Variants in NOS1AP observed in about 807,000 individuals in gnomAD.
NOS1AP encodes the protein nitric oxide synthase 1 adaptor protein.
A neutral mutation model predicts 56.2 loss-of-function variants in NOS1AP; 21 were observed. That is an observed-to-expected ratio of 0.37 (90% confidence interval 0.26 to 0.54). NOS1AP has a LOEUF of 0.54. Ranked by LOEUF, NOS1AP falls within the 20% of genes least tolerant of loss-of-function variation. The pLI is 0.84. For missense variants in NOS1AP, 522 were observed against 657.8 expected (o/e 0.79, Z 2.26); for synonymous variants, 270 against 274.6 (o/e 0.98, Z 0.17).
At chr1:162,354,703 C>T (rs376093929) in intron 6 of NOS1AP, among the ~76,000 whole-genome samples, 4 of 152,302 alleles carry the variant, frequency 2.6e-5, no homozygotes, top group South Asian at 4.1e-4. Flanking sequence ...GTCATGGAAC[C>T]CTACCTGTCC....
intron 1 of NOS1AP, among the ~76,000 whole-genome samples, chr1:162,090,759 T>C (rs1042236610): frequency 6.6e-6 from 1 of 152,202 alleles, no homozygotes; most frequent in Admixed American, 6.5e-5. Context: ...TTCTTGAGTT[T>C]TGTCACTTTA....
intron 5 of NOS1AP, among the ~76,000 whole-genome samples, chr1:162,340,864 A>G (rs1389249526): frequency 6.6e-6 from 1 of 152,188 alleles, no homozygotes; most frequent in Non-Finnish European, 1.5e-5. Flanking sequence ...AAACCAGCCT[A>G]CTTCCTTACA....
At chr1:162,102,866 T>A (rs1236484012) in intron 1 of NOS1AP, among the ~76,000 whole-genome samples, 1 of 152,112 alleles carries the variant, frequency 6.6e-6, no homozygotes, top group Non-Finnish European at 1.5e-5. Context: ...ATTTTATTAA[T>A]TTTTTCAAAA....
intron 1 of NOS1AP, among the ~76,000 whole-genome samples, chr1:162,072,379 T>G (rs78739121): frequency 0.019 from 2,848 of 152,276 alleles, 104 homozygotes; most frequent in African/African-American, 0.066. Context: ...GATCTTACTC[T>G]CCCTTTCCCA....
At chr1:162,229,129 T>A (rs1322559068) in intron 2 of NOS1AP, among the ~76,000 whole-genome samples, 6 of 152,270 alleles carry the variant, frequency 3.9e-5, no homozygotes, top group African/African-American at 1.4e-4. Flanking sequence ...TCCTAACAGG[T>A]GAAATAGAGC....
intron 1 of NOS1AP, among the ~76,000 whole-genome samples, chr1:162,143,036 A>G (rs1054506319): frequency 2.0e-5 from 3 of 151,016 alleles, no homozygotes; most frequent in African/African-American, 4.9e-5. Flanking sequence ...CAACTCCAGG[A>G]AGGCTTTTCC....
chr1:162,183,851 A>C (rs934589260), intron 2 of NOS1AP, among the ~76,000 whole-genome samples: 1 of 152,232 alleles, frequency 6.6e-6, no homozygotes, highest in Admixed American at 6.5e-5. Context: ...AACTTTTTCC[A>C]TATCAGCCAT....
At chr1:162,287,585 C>A in intron 3 of NOS1AP, 149 bp downstream of exon 3, 1 of 708,344 alleles carries the variant, frequency 1.4e-6, no homozygotes, top group South Asian at 1.6e-5. Context: ...TGCTGACAGG[C>A]TGCAGCAGAG....
chr1:162,353,085 C>T (rs562323740), intron 6 of NOS1AP, among the ~76,000 whole-genome samples: 99 of 150,336 alleles, frequency 6.6e-4, no homozygotes, highest in African/African-American at 2.0e-3. Context: ...TGCCCCCTGA[C>T]GATCCTTCGA....
At chr1:162,354,655 T>C (rs449908) in intron 6 of NOS1AP, among the ~76,000 whole-genome samples, 110,682 of 152,124 alleles carry the variant, frequency 0.73, 40,325 homozygotes, top group Admixed American at 0.76. Flanking sequence ...TGATACTGTG[T>C]TAAAATGCAG....
Position 162,081,539 on chromosome 1 carries a change from C to T in NOS1AP, c.105+11257C>T, listed in dbSNP as rs1389249121. ...TGCCCATGCCCTTTTCCTTGCCTTT[C>T]CCAGCTTTTTTTTTTTTTTCCTTTT... On this transcript the variant is annotated intron_variant, in intron 1 of 9. Coordinates refer to ENST00000361897, the MANE Select transcript of NOS1AP (RefSeq NM_014697.3). 1.1e-4 allele frequency among the ~76,000 whole-genome samples: 16 copies of T among 148,610 alleles called. No homozygotes were observed. In the East Asian group the frequency reaches 2.9e-3, roughly 27 times the overall value.
At chr1:162,296,327 G>A (rs1655461325) in intron 3 of NOS1AP, among the ~76,000 whole-genome samples, 1 of 152,140 alleles carries the variant, frequency 6.6e-6, no homozygotes, top group Non-Finnish European at 1.5e-5. Context: ...TTAGCTTCTT[G>A]AATAACCAAA....
At chr1:162,305,175 A>C (rs903545075) in intron 4 of NOS1AP, among the ~76,000 whole-genome samples, 1 of 152,166 alleles carries the variant, frequency 6.6e-6, no homozygotes, top group Non-Finnish European at 1.5e-5. Context: ...ACCATTTTTT[A>C]AGCATACAAA....
intron 1 of NOS1AP, among the ~76,000 whole-genome samples, chr1:162,129,865 T>G (rs1438180403): frequency 6.6e-6 from 1 of 152,240 alleles, no homozygotes; most frequent in African/African-American, 2.4e-5. Context: ...CTGTATTATC[T>G]GTGATTGATT....
intron 1 of NOS1AP, among the ~76,000 whole-genome samples, chr1:162,120,791 C>G (rs1273527330): frequency 6.6e-6 from 1 of 152,198 alleles, no homozygotes; most frequent in Non-Finnish European, 1.5e-5. Context: ...CACAGCCAAA[C>G]CATATCAGAA....
chr1:162,354,093 A>T (rs1657609999), intron 6 of NOS1AP, among the ~76,000 whole-genome samples: 1 of 152,230 alleles, frequency 6.6e-6, no homozygotes, highest in Admixed American at 6.5e-5. Flanking sequence ...TGACTTGTGT[A>T]GGTTTGCATA....
chr1:162,135,408 G>T (rs1648951512), intron 1 of NOS1AP, among the ~76,000 whole-genome samples: 1 of 152,160 alleles, frequency 6.6e-6, no homozygotes, highest in African/African-American at 2.4e-5. Flanking sequence ...GTGGGAAGAT[G>T]AATTTATTTC....
chr1:162,179,126 A>G (rs181744009), intron 2 of NOS1AP, among the ~76,000 whole-genome samples: 127 of 151,986 alleles, frequency 8.4e-4, no homozygotes, highest in Non-Finnish European at 1.4e-3. Flanking sequence ...ATTTCCTACC[A>G]TTGTGTATCT....
At chr1:162,337,214 G>A (rs146926739) in intron 5 of NOS1AP, among the ~76,000 whole-genome samples, 263 of 152,292 alleles carry the variant, frequency 1.7e-3, no homozygotes, top group African/African-American at 6.2e-3. Context: ...GGAGCTGCAG[G>A]CATCTCCCCA....
Sources: gnomAD v4.1 joint callset for allele counts (sites outside exome capture counted in the v4.1 genomes callset) on GRCh38, gnomAD v4.1.1 for gene constraint, MANE v1.5 for transcripts, NCBI Gene and HGNC (gene_info 2026-07-23, HGNC 2026-07-21) for gene names.